The following PXDNL variants were observed in gnomAD, a reference collection of about 807,000 sequenced individuals.
The protein encoded by PXDNL is probable oxidoreductase PXDNL.
PXDNL carries 145 observed loss-of-function variants against 150.8 expected under a neutral mutation model. The ratio of observed to expected loss-of-function variants is 0.96; its 90% CI spans 0.84 to 1.10. The LOEUF is 1.10. Ranked by LOEUF, PXDNL falls within the 50% of genes least tolerant of loss-of-function variation. The pLI, the probability that PXDNL is intolerant of heterozygous loss-of-function variation, is 0.00. For synonymous variants in PXDNL, 757 were observed against 725.7 expected (o/e 1.04, Z -0.69); for missense variants, 2,087 against 1,873.9 (o/e 1.11, Z -2.10).
chr8:51,388,511 A>G (rs1233307740), intron 17 of PXDNL, among the ~76,000 whole-genome samples: 1 of 152,214 alleles, frequency 6.6e-6, no homozygotes, highest in African/African-American at 2.4e-5. Flanking sequence ...AGACTGATAC[A>G]GGTTTCAAAT....
chr8:51,751,718 T>A (rs1042375410), intron 1 of PXDNL, among the ~76,000 whole-genome samples: 5 of 152,312 alleles, frequency 3.3e-5, no homozygotes, highest in Non-Finnish European at 5.9e-5. Flanking sequence ...AACAGATGTG[T>A]GCTTTAATAC....
intron 1 of PXDNL, among the ~76,000 whole-genome samples, chr8:51,763,131 C>G (rs1315700493): frequency 6.6e-6 from 1 of 152,064 alleles, no homozygotes. Context: ...AAATCACTAA[C>G]CTGCTTTTCT....
chr8:51,661,208 G>A (rs1452037726), intron 1 of PXDNL, among the ~76,000 whole-genome samples: 1 of 152,102 alleles, frequency 6.6e-6, no homozygotes. Context: ...AGCTGAGGAA[G>A]GCTCCTGAAT....
intron 20 of PXDNL, 191 bp from the exon 21 acceptor site, chr8:51,339,944 C>T (rs1805941083): frequency 2.0e-6 from 1 of 491,232 alleles, no homozygotes; most frequent in Admixed American, 3.8e-5. Flanking sequence ...GATGATAATC[C>T]AGAGTGTCAC....
intron 2 of PXDNL, among the ~76,000 whole-genome samples, chr8:51,603,768 T>G (rs1315136558): frequency 6.6e-6 from 1 of 152,118 alleles, no homozygotes; most frequent in Non-Finnish European, 1.5e-5. Flanking sequence ...ATGGACATTC[T>G]TTTAGAGTTT....
chr8:51,512,968 CAA>C (rs1811455094), intron 4 of PXDNL, among the ~76,000 whole-genome samples: 2 of 152,148 alleles, frequency 1.3e-5, no homozygotes, highest in African/African-American at 4.8e-5. Context: ...GGTTCTGTTC[CAA>C]TTATAAGGCA....
chr8:51,418,802 A>C (rs886558949), intron 14 of PXDNL, among the ~76,000 whole-genome samples: 13 of 152,248 alleles, frequency 8.5e-5, no homozygotes, highest in African/African-American at 3.1e-4. Flanking sequence ...TATTGGGTTA[A>C]GGATACAGTT....
At chr8:51,446,912 T>A in intron 12 of PXDNL, 92 bp downstream of exon 12, 2 of 981,868 alleles carry the variant, frequency 2.0e-6, no homozygotes, top group Non-Finnish European at 3.1e-6. Flanking sequence ...ATATATATAG[T>A]CATATATGTC....
At chr8:51,673,647 G>C (rs1187975485) in intron 1 of PXDNL, among the ~76,000 whole-genome samples, 1 of 152,120 alleles carries the variant, frequency 6.6e-6, no homozygotes, top group African/African-American at 2.4e-5. Context: ...ATAGCATAAA[G>C]AAAAATCAAT....
intron 2 of PXDNL, among the ~76,000 whole-genome samples, chr8:51,633,414 G>A (rs185360507): frequency 1.4e-4 from 22 of 152,254 alleles, no homozygotes; most frequent in African/African-American, 5.1e-4. Context: ...TATATACCCT[G>A]CAATGAGATT....
intron 17 of PXDNL, among the ~76,000 whole-genome samples, chr8:51,380,502 T>A (rs913956634): frequency 1.3e-5 from 2 of 152,240 alleles, no homozygotes; most frequent in Non-Finnish European, 2.9e-5. Context: ...CTTCTAATTA[T>A]CATTACAACA....
At chr8:51,744,954 AAG>A (rs1491058060) in intron 1 of PXDNL, among the ~76,000 whole-genome samples, 2 of 5,524 alleles carry the variant, frequency 3.6e-4, no homozygotes, top group Non-Finnish European at 2.2e-3. Context: ...GAAAGAAAGA[AAG>A]AAAGAAAGAA....
chr8:51,750,862 G>A (rs997889915), intron 1 of PXDNL, among the ~76,000 whole-genome samples: 2 of 152,170 alleles, frequency 1.3e-5, no homozygotes, highest in African/African-American at 2.4e-5. Context: ...TCCACTGGGG[G>A]CCTTGCCATG....
chr8:51,794,975 G>A (rs1276049051), intron 1 of PXDNL, among the ~76,000 whole-genome samples: 1 of 151,784 alleles, frequency 6.6e-6, no homozygotes, highest in Non-Finnish European at 1.5e-5. Context: ...CTAAGAAAAT[G>A]GAAAGTAGGA....
At chr8:51,625,896 G>T (rs745421639) in intron 2 of PXDNL, among the ~76,000 whole-genome samples, 2 of 152,132 alleles carry the variant, frequency 1.3e-5, no homozygotes, top group African/African-American at 2.4e-5. Flanking sequence ...ACAGCCAAGC[G>T]AAGATTTAAA....
chr8:51,655,658 C>A (rs1815134464), intron 1 of PXDNL, among the ~76,000 whole-genome samples: 1 of 152,142 alleles, frequency 6.6e-6, no homozygotes, highest in Admixed American at 6.5e-5. Context: ...GGCAGCATCT[C>A]CACGGGCATA....
chr8:51,785,317 C>T (rs1362064430), intron 1 of PXDNL, among the ~76,000 whole-genome samples: 1 of 151,888 alleles, frequency 6.6e-6, no homozygotes. Flanking sequence ...ACATTCAAGG[C>T]ATATTTCAAA....
chr8:51,702,343 C>T (rs1048401301), intron 1 of PXDNL, among the ~76,000 whole-genome samples: 2 of 152,154 alleles, frequency 1.3e-5, no homozygotes, highest in Non-Finnish European at 2.9e-5. Context: ...GACTCTTCCA[C>T]ATCAGAGCCC....
intron 1 of PXDNL, among the ~76,000 whole-genome samples, chr8:51,804,295 T>C (rs984948860): frequency 2.0e-5 from 3 of 152,180 alleles, no homozygotes; most frequent in Non-Finnish European, 4.4e-5. Flanking sequence ...TACAGATATA[T>C]CTCAGTGAGC....
Sources: gnomAD v4.1 joint callset for allele counts (sites outside exome capture counted in the v4.1 genomes callset) on GRCh38, gnomAD v4.1.1 for gene constraint, MANE v1.5 for transcripts, NCBI Gene and HGNC (gene_info 2026-07-23, HGNC 2026-07-21) for gene names.